LRRFIP2: variants seen among roughly 807,000 people sequenced by gnomAD.
The protein encoded by LRRFIP2 is leucine-rich repeat flightless-interacting protein 2.
In LRRFIP2, 109 loss-of-function variants were observed where a neutral mutation model predicts 125.9. That is an observed-to-expected ratio of 0.87 (90% confidence interval 0.74 to 1.01). The LOEUF is 1.01. LRRFIP2 is among the 50% of genes least tolerant of loss of function. The pLI is 0.00. For synonymous variants in LRRFIP2, 291 were observed against 293.1 expected (o/e 0.99, Z 0.07); for missense variants, 850 against 862.3 (o/e 0.99, Z 0.18).
chr3:37,063,244 G>T (rs1000226023), intron 24 of LRRFIP2, among the ~76,000 whole-genome samples: 1 of 152,194 alleles, frequency 6.6e-6, no homozygotes, highest in Admixed American at 6.5e-5. Context: ...ACACAAGCAG[G>T]CTGGAATTAC....
At chr3:37,171,456 T>C (rs576713154) in intron 1 of LRRFIP2, among the ~76,000 whole-genome samples, 1 of 152,048 alleles carries the variant, frequency 6.6e-6, no homozygotes, top group South Asian at 2.1e-4. Context: ...TTTTTTTTTT[T>C]CTCTCTAGTG....
In LRRFIP2 at chr3:37,128,943, T is replaced by C. The variant is rs565514852; in HGVS notation, c.177+120A>G. The C allele has an allele frequency of 4.4e-5, 38 of 868,164 alleles. No individual in the cohort carries two copies. In the African/African-American group the frequency reaches 5.0e-4, roughly 11 times the overall value. 53.8% of individuals were successfully genotyped at this position (868,164 alleles called of 1,614,324 possible). Reference sequence around the variant, plus strand: ...GCACAGAATGGCTTGATAAAATACATACATCAGTTTATACTATTTTCAATG... The same window carrying C: ...GCACAGAATGGCTTGATAAAATACACACATCAGTTTATACTATTTTCAATG... On this transcript the variant is annotated intron_variant, in intron 3 of 27. Coordinates refer to ENST00000336686, the MANE Select transcript of LRRFIP2 (RefSeq NM_006309.4).
intron 2 of LRRFIP2, among the ~76,000 whole-genome samples, chr3:37,133,849 G>A (rs1441388266): frequency 6.6e-6 from 1 of 152,142 alleles, no homozygotes; most frequent in African/African-American, 2.4e-5. Context: ...GTCAGAATAA[G>A]ATATAAATTA....
intron 19 of LRRFIP2, among the ~76,000 whole-genome samples, chr3:37,083,397 T>C (rs1249681354): frequency 6.6e-6 from 1 of 152,092 alleles, no homozygotes; most frequent in East Asian, 1.9e-4. Context: ...AAAACTTGAG[T>C]TGTATTCTAT....
intron 15 of LRRFIP2, among the ~76,000 whole-genome samples, chr3:37,101,356 C>CAA (rs11359628): frequency 5.3e-5 from 7 of 132,390 alleles, no homozygotes; most frequent in East Asian, 2.4e-4. Context: ...GACTCCGTCT[C>CAA]AAAAAAAAAA....
chr3:37,104,598 C>T (rs1039779474), intron 14 of LRRFIP2, among the ~76,000 whole-genome samples: 1 of 152,162 alleles, frequency 6.6e-6, no homozygotes, highest in Non-Finnish European at 1.5e-5. Flanking sequence ...GCCTCTTATG[C>T]TCTTTATTCT....
At position 37,109,032 on chromosome 3, in the gene LRRFIP2, A is replaced by G. The variant is rs1403368198; in HGVS notation, c.610-348T>C. Among the ~76,000 whole-genome samples the G allele has an allele frequency of 2.0e-5, 3 of 152,334 alleles. No individual in the cohort carries two copies. The East Asian group carries it at 5.8e-4, about 29-fold the overall frequency. On this transcript the variant is annotated intron_variant, in intron 11 of 27. Coordinates refer to ENST00000336686, the MANE Select transcript of LRRFIP2 (RefSeq NM_006309.4). The stretch of plus-strand genomic sequence containing the variant: ...GCATTTTGCCTACTACTACAATAAA[A>G]TTAAGTTATAAAACCTCAGGATCCC...
At chr3:37,118,350 A>T (rs1487343398) in intron 6 of LRRFIP2, among the ~76,000 whole-genome samples, 2 of 152,324 alleles carry the variant, frequency 1.3e-5, no homozygotes, top group African/African-American at 4.8e-5. Context: ...GGCGTGAGCC[A>T]CCGTGCCTGG....
Position 37,094,877 on chromosome 3 carries a change from G to T in LRRFIP2, c.950C>A (p.Thr317Asn), listed in dbSNP as rs1489869805. 1 of 1,613,540 alleles carries T rather than the reference G, an allele frequency of 6.2e-7. No homozygotes were observed. Among genetic ancestry groups the T allele is most frequent in the Admixed American group, 1.7e-5 (1 of 59,988 alleles). The change falls in exon 17 of 28, where the codon ACC (threonine) becomes AAC (asparagine). Residue 317 changes from threonine (T) to asparagine (N), a missense_variant. Physicochemically the swap from Thr to Asn is moderately conservative, Grantham distance 65. Transcript: ENST00000336686. ...TCTGGATGAGTTTCCACTTAGAGGG[G>T]TTGTTGCTGAGGCAGAATTTCGAGA... ...PSSRNSASAT[T>N]PLSGNSSRRG...
intron 15 of LRRFIP2, among the ~76,000 whole-genome samples, chr3:37,098,095 T>G (rs571922671): frequency 7.6e-6 from 1 of 130,760 alleles, no homozygotes; most frequent in Non-Finnish European, 1.8e-5. Context: ...CCCACACTTA[T>G]GTTTATAAAT....
chr3:37,084,321 A>G (rs529586153), intron 18 of LRRFIP2, among the ~76,000 whole-genome samples: 7 of 152,286 alleles, frequency 4.6e-5, no homozygotes, highest in Admixed American at 2.0e-4. Flanking sequence ...TCTAGCAATT[A>G]TCCAAATTTC....
chr3:37,091,583 C>T (rs2093439639), intron 17 of LRRFIP2, 45 bp from the exon 18 acceptor site: 4 of 1,350,536 alleles, frequency 3.0e-6, no homozygotes, highest in Non-Finnish European at 4.1e-6. Context: ...CATGCACAAA[C>T]GTATCTTAAA....
intron 18 of LRRFIP2, 25 bp from the exon 19 acceptor site, chr3:37,083,831 C>A (rs1363391719): frequency 3.2e-6 from 5 of 1,544,448 alleles, no homozygotes; most frequent in Non-Finnish European, 3.5e-6. Context: ...AGTCATCAGT[C>A]TGATATCTAA....
At chr3:37,140,972 C>T (rs2095682422) in intron 2 of LRRFIP2, among the ~76,000 whole-genome samples, 1 of 152,072 alleles carries the variant, frequency 6.6e-6, no homozygotes, top group Non-Finnish European at 1.5e-5. Context: ...AAGATAACTA[C>T]AACAGCTTCG....
intron 1 of LRRFIP2, among the ~76,000 whole-genome samples, chr3:37,150,909 A>G (rs1276402020): frequency 6.6e-6 from 1 of 152,222 alleles, no homozygotes; most frequent in African/African-American, 2.4e-5. Context: ...TTTCTCCAAT[A>G]AAGATTCAGG....
At chr3:37,064,971 A>G (rs2089804240) in intron 23 of LRRFIP2, 1 of 152,460 alleles carries the variant, frequency 6.6e-6, no homozygotes, top group Non-Finnish European at 1.5e-5. Flanking sequence ...GTGCCCTACA[A>G]TCACATTTCT....
intron 3 of LRRFIP2, among the ~76,000 whole-genome samples, chr3:37,128,174 T>C (rs1487220620): frequency 3.3e-5 from 5 of 152,228 alleles, no homozygotes; most frequent in Admixed American, 2.6e-4. Flanking sequence ...AACATGTCAA[T>C]TGTTAGTGTT....
chr3:37,061,215 A>G (rs1372725889), intron 24 of LRRFIP2, among the ~76,000 whole-genome samples: 2 of 151,998 alleles, frequency 1.3e-5, no homozygotes, highest in African/African-American at 2.4e-5. Context: ...GCGGTGGCTC[A>G]TGCCTGTAAT....
At chr3:37,102,822 C>A in intron 15 of LRRFIP2, 102 bp downstream of exon 15, 2 of 806,568 alleles carry the variant, frequency 2.5e-6, no homozygotes, top group East Asian at 3.0e-5. Flanking sequence ...TTTCTTAAGA[C>A]AATAAATCAA....
Sources: allele counts gnomAD v4.1 joint callset (sites outside exome capture counted in the v4.1 genomes callset), GRCh38; gene constraint gnomAD v4.1.1; transcripts MANE v1.5; gene names NCBI Gene and HGNC (gene_info 2026-07-23, HGNC 2026-07-21).